Variants in ANKS1B observed in about 807,000 individuals in gnomAD.
The protein encoded by ANKS1B is ankyrin repeat and sterile alpha motif domain-containing protein 1B.
ANKS1B carries 36 observed loss-of-function variants against 148.3 expected under a neutral mutation model. The observed-to-expected ratio is 0.24, with a 90% confidence interval of 0.19 to 0.32. The LOEUF is 0.32. ANKS1B is among the 10% of genes least tolerant of loss of function. The pLI is 1.00. For synonymous variants in ANKS1B, 542 were observed against 560.8 expected, an observed-to-expected ratio of 0.97 and a Z score of 0.47; for missense variants, 1,157 against 1,542.6, an observed-to-expected ratio of 0.75 and a Z score of 4.19.
intron 10 of ANKS1B, among the ~76,000 whole-genome samples, chr12:99,502,247 G>T (rs1355992708): frequency 6.6e-6 from 1 of 151,886 alleles, no homozygotes; most frequent in Non-Finnish European, 1.5e-5. Flanking sequence ...TTCCCCCCCT[G>T]AATATGCTAT....
intron 14 of ANKS1B, among the ~76,000 whole-genome samples, chr12:99,180,807 G>A (rs551795985): frequency 6.6e-5 from 10 of 152,114 alleles, no homozygotes; most frequent in Middle Eastern, 3.4e-3. Context: ...GAAGGACACT[G>A]AAAGTGCCTC....
intron 17 of ANKS1B, among the ~76,000 whole-genome samples, chr12:98,956,870 A>G (rs185440400): frequency 9.2e-5 from 14 of 151,962 alleles, no homozygotes; most frequent in Admixed American, 9.2e-4. Flanking sequence ...TGAATTTACC[A>G]CCATCTGCTC....
At chr12:99,697,500 G>A (rs752331651) in intron 8 of ANKS1B, among the ~76,000 whole-genome samples, 41 of 152,098 alleles carry the variant, frequency 2.7e-4, no homozygotes, top group Non-Finnish European at 5.3e-4. Context: ...GCTACTTACT[G>A]TATAATTTCA....
chr12:99,648,829 G>T (rs372189861), intron 9 of ANKS1B: 4 of 1,572,530 alleles, frequency 2.5e-6, no homozygotes, highest in African/African-American at 2.7e-5. Flanking sequence ...TGGATGCTTT[G>T]GGGGAGAGCA....
At chr12:99,418,678 T>C (rs1050622586) in intron 11 of ANKS1B, among the ~76,000 whole-genome samples, 3 of 152,200 alleles carry the variant, frequency 2.0e-5, no homozygotes, top group African/African-American at 7.2e-5. Context: ...TCCAGCACTA[T>C]GTTGAGTGAC....
intron 1 of ANKS1B, among the ~76,000 whole-genome samples, chr12:99,851,696 TG>T (rs991550163): frequency 9.2e-5 from 14 of 152,160 alleles, no homozygotes; most frequent in African/African-American, 3.1e-4. Flanking sequence ...TAATGAAAGA[TG>T]ATGTTGGTAA....
chr12:99,743,695 A>G (rs1266201750), intron 8 of ANKS1B, among the ~76,000 whole-genome samples: 2 of 152,158 alleles, frequency 1.3e-5, no homozygotes. Context: ...CACCAACCAT[A>G]AAAAATTATG....
chr12:99,944,623 C>T (rs2095010435), intron 1 of ANKS1B, among the ~76,000 whole-genome samples: 1 of 152,108 alleles, frequency 6.6e-6, no homozygotes, highest in Non-Finnish European at 1.5e-5. Context: ...ACAAGACTTC[C>T]AGGCATGAGG....
At chr12:99,910,765 C>T (rs1410974582) in intron 1 of ANKS1B, among the ~76,000 whole-genome samples, 1 of 151,646 alleles carries the variant, frequency 6.6e-6, no homozygotes, top group African/African-American at 2.4e-5. Context: ...TATGTGTACA[C>T]ACCCATAATA....
At chr12:99,060,326 G>C (rs2041977140) in intron 16 of ANKS1B, among the ~76,000 whole-genome samples, 1 of 152,066 alleles carries the variant, frequency 6.6e-6, no homozygotes, top group Non-Finnish European at 1.5e-5. Flanking sequence ...ACAGCAGGCA[G>C]AGAAACCACA....
chr12:99,929,594 T>A (rs562229122), intron 1 of ANKS1B, among the ~76,000 whole-genome samples: 1 of 152,298 alleles, frequency 6.6e-6, no homozygotes, highest in East Asian at 1.9e-4. Flanking sequence ...CTGAATGGTA[T>A]TGCCTAGGTT....
intron 17 of ANKS1B, among the ~76,000 whole-genome samples, chr12:98,899,521 A>T (rs2099769243): frequency 6.6e-6 from 1 of 152,196 alleles, no homozygotes; most frequent in Non-Finnish European, 1.5e-5. Flanking sequence ...AGATAATGTC[A>T]TTCAACTAGT....
intron 11 of ANKS1B, among the ~76,000 whole-genome samples, chr12:99,421,769 C>T (rs77352398): frequency 0.014 from 2,125 of 152,222 alleles, 52 homozygotes; most frequent in East Asian, 0.07. Context: ...ATGTCCCCAT[C>T]AAATCTCACA....
At chr12:99,759,636 T>A (rs960588787) in intron 8 of ANKS1B, among the ~76,000 whole-genome samples, 1 of 152,062 alleles carries the variant, frequency 6.6e-6, no homozygotes, top group South Asian at 2.1e-4. Context: ...TGGATTTTTT[T>A]AAATACTGGC....
intron 12 of ANKS1B, among the ~76,000 whole-genome samples, chr12:99,295,091 TA>T (rs1436053039): frequency 6.6e-6 from 1 of 152,114 alleles, no homozygotes; most frequent in African/African-American, 2.4e-5. Flanking sequence ...TACGTACCCA[TA>T]AAAAAATTGG....
chr12:99,829,340 C>A (rs2083622332), intron 1 of ANKS1B, among the ~76,000 whole-genome samples: 1 of 151,866 alleles, frequency 6.6e-6, no homozygotes, highest in South Asian at 2.1e-4. Context: ...CAAGGTGAAG[C>A]CTTGTCTCTA....
intron 1 of ANKS1B, among the ~76,000 whole-genome samples, chr12:99,870,748 G>A (rs1217632915): frequency 6.6e-6 from 1 of 152,004 alleles, no homozygotes. Context: ...CTTGTATTTT[G>A]CTCACTTTTT....
At chr12:98,793,249 G>A (rs574644895) in intron 22 of ANKS1B, among the ~76,000 whole-genome samples, 1 of 152,236 alleles carries the variant, frequency 6.6e-6, no homozygotes, top group Non-Finnish European at 1.5e-5. Context: ...ATGATATTGA[G>A]CATTTTTTCA....
intron 15 of ANKS1B, among the ~76,000 whole-genome samples, chr12:99,134,803 T>C (rs538480071): frequency 1.3e-5 from 2 of 152,026 alleles, no homozygotes; most frequent in East Asian, 3.9e-4. Flanking sequence ...ACTAGTACAG[T>C]GGTGTTTGGG....
Sources: gnomAD v4.1 joint callset for allele counts (sites outside exome capture counted in the v4.1 genomes callset) on GRCh38, gnomAD v4.1.1 for gene constraint, MANE v1.5 for transcripts, NCBI Gene and HGNC (gene_info 2026-07-23, HGNC 2026-07-21) for gene names.